The following TMEM131L variants were observed in gnomAD, a reference collection of about 807,000 sequenced individuals.
The protein encoded by TMEM131L is transmembrane protein 131-like.
In TMEM131L, 54 loss-of-function variants were observed where a neutral mutation model predicts 192.2. That is an observed-to-expected ratio of 0.28 (90% confidence interval 0.23 to 0.35). The LOEUF (loss-of-function observed/expected upper bound fraction) is 0.35. Among genes scored for constraint, TMEM131L ranks in the 10% least tolerant of loss-of-function variants. The pLI, the probability that TMEM131L is intolerant of heterozygous loss-of-function variation, is 1.00. For missense variants in TMEM131L, 1,888 were observed against 1,972.9 expected (o/e 0.96, Z 0.82); for synonymous variants, 701 against 704.9 (o/e 0.99, Z 0.09).
intron 3 of TMEM131L, among the ~76,000 whole-genome samples, chr4:153,514,295 C>T (rs1734559890): frequency 6.6e-6 from 1 of 152,216 alleles, no homozygotes; most frequent in Admixed American, 6.5e-5. Flanking sequence ...TGCTCTGTAG[C>T]AGGACCAGAG....
intron 5 of TMEM131L, among the ~76,000 whole-genome samples, 161 bp from the exon 6 acceptor site, chr4:153,556,805 G>T (rs1728491981): frequency 6.6e-6 from 1 of 151,934 alleles, no homozygotes; most frequent in African/African-American, 2.4e-5. Flanking sequence ...CAGATAATTG[G>T]ATGCTGATCA....
At chr4:153,553,364 A>C (rs961252330) in intron 4 of TMEM131L, among the ~76,000 whole-genome samples, 4 of 152,150 alleles carry the variant, frequency 2.6e-5, no homozygotes, top group Non-Finnish European at 5.9e-5. Flanking sequence ...GTGGTAGAAT[A>C]AATCTTCTGA....
At chr4:153,618,437 C>T (rs1733147756) in intron 26 of TMEM131L, among the ~76,000 whole-genome samples, 1 of 142,940 alleles carries the variant, frequency 7.0e-6, no homozygotes, top group Non-Finnish European at 1.5e-5. Context: ...GATTGCCTCA[C>T]TGCACTCTAG....
intron 14 of TMEM131L, 125 bp from the exon 15 acceptor site, chr4:153,587,617 T>G: frequency 1.4e-6 from 1 of 732,516 alleles, no homozygotes; most frequent in Non-Finnish European, 2.5e-6. Flanking sequence ...AAAGTAATTT[T>G]TGGCTCGTGG....
At position 153,564,287 on chromosome 4, in the gene TMEM131L, C is replaced by CAAAAAAAAAAAAAA. The variant is rs1178320668; in HGVS notation, c.660+5933_660+5946dup. Reference sequence around the variant, plus strand: ...CTGGGAGACGAGCAAAACTCCGTCTCAAAAAAAAAAAAAAAAAAAAAAAAA... The same window carrying CAAAAAAAAAAAAAA: ...CTGGGAGACGAGCAAAACTCCGTCTCAAAAAAAAAAAAAAAAAAAAAAAAAAAAAAAAAAAAAAA... On this transcript the variant is annotated intron_variant, in intron 7 of 34. Transcript: ENST00000409959. Among the ~76,000 whole-genome samples the CAAAAAAAAAAAAAA allele has an allele frequency of 3.4e-4, 6 of 17,652 alleles. 1 individual carries two copies. The highest frequency in any genetic ancestry group is 8.3e-4 in the African/African-American group (6 of 7,262). 11.6% of individuals were successfully genotyped at this position (17,652 alleles called of 152,430 possible).
chr4:153,574,713 G>A (rs959482223), intron 7 of TMEM131L, among the ~76,000 whole-genome samples: 1 of 152,212 alleles, frequency 6.6e-6, no homozygotes, highest in East Asian at 1.9e-4. Context: ...TCAGCCTCCC[G>A]AGAAGCTGAG....
At chr4:153,513,815 C>T (rs911580623) in intron 3 of TMEM131L, among the ~76,000 whole-genome samples, 1 of 152,118 alleles carries the variant, frequency 6.6e-6, no homozygotes, top group Non-Finnish European at 1.5e-5. Flanking sequence ...CTCTTTATGA[C>T]CCTCTCTATG....
intron 3 of TMEM131L, among the ~76,000 whole-genome samples, chr4:153,547,417 C>G (rs1737264804): frequency 6.6e-6 from 1 of 152,206 alleles, no homozygotes; most frequent in Non-Finnish European, 1.5e-5. Context: ...TCGATATTGA[C>G]TTTAAGCTCA....
intron 3 of TMEM131L, among the ~76,000 whole-genome samples, chr4:153,517,908 G>A (rs760090310): frequency 2.4e-4 from 37 of 152,260 alleles, no homozygotes; most frequent in Middle Eastern, 6.8e-3. Context: ...TTTAGACTGA[G>A]TAAGAATCTT....
chr4:153,616,112 A>G (rs1208447055), intron 26 of TMEM131L, among the ~76,000 whole-genome samples: 2 of 152,004 alleles, frequency 1.3e-5, no homozygotes. Context: ...CCTGTGTAGG[A>G]CAGACGTCTG....
chr4:153,607,793 C>T (rs746915968), intron 25 of TMEM131L, among the ~76,000 whole-genome samples: 6 of 152,194 alleles, frequency 3.9e-5, no homozygotes, highest in African/African-American at 1.2e-4. Flanking sequence ...GCTTTGACTA[C>T]ATACTTGCCA....
chr4:153,491,854 T>C (rs1286229758), intron 3 of TMEM131L, among the ~76,000 whole-genome samples: 1 of 152,096 alleles, frequency 6.6e-6, no homozygotes, highest in Non-Finnish European at 1.5e-5. Flanking sequence ...CTACAGGCAC[T>C]TGCCACCGTG....
At position 153,602,233 on chromosome 4, in the gene TMEM131L, C is replaced by G; in HGVS notation, c.2348C>G (p.Ser783Trp). 6.2e-7 allele frequency: 1 copy of G among 1,612,894 alleles called. No homozygotes were observed. ...ATTGGACCTCTTCCTATAACTGTTT[C>G]GTCTCTGAAAATTAATGGGTATAAC... The part of the protein sequence containing the change: ...ENIGPLPITV[S>W]SLKINGYNCQ... Residue 783 changes from serine to tryptophan, a missense_variant, in exon 22 of 35, where the codon TCG becomes TGG. By Grantham distance (177) the Ser-to-Trp change is radical (BLOSUM62 -3). Coordinates refer to ENST00000409959, the MANE Select transcript of TMEM131L (RefSeq NM_001131007.2).
rs1731333812 is a variant in TMEM131L, at chr4:153,473,854, G to A, written c.205G>A (p.Glu69Lys). 6.5e-7 allele frequency: 1 copy of A among 1,545,036 alleles called. No individual in the cohort carries two copies. Among genetic ancestry groups the A allele is most frequent in the Non-Finnish European group, 8.7e-7 (1 of 1,144,536 alleles). ...ELLLPTQGDSEEGLEEPSQEQ... is the reference protein window; with the variant it reads ...ELLLPTQGDSKEGLEEPSQEQ... Reference sequence around the variant, plus strand: ...TGTTCTTTTTCAATAGGGTGATTCTGAAGAGGGTCTGGAGGAGCCTTCTCA... The same window carrying A: ...TGTTCTTTTTCAATAGGGTGATTCTAAAGAGGGTCTGGAGGAGCCTTCTCA... Residue 69 changes from glutamate to lysine, a missense_variant, in exon 3 of 35, where the codon GAA becomes AAA. By Grantham distance (56) the Glu-to-Lys change is moderately conservative. Transcript: ENST00000409959.
intron 17 of TMEM131L, 146 bp from the exon 18 acceptor site, chr4:153,592,329 C>G: frequency 1.7e-6 from 1 of 587,880 alleles, no homozygotes; most frequent in Non-Finnish European, 3.0e-6. Flanking sequence ...ATTTTTGAAG[C>G]GTGCTGGCCA....
Position 153,635,471 on chromosome 4 carries a change from A to T in TMEM131L, c.4457A>T (p.Asp1486Val), listed in dbSNP as rs201242854. The T allele has an allele frequency of 3.2e-5, 52 of 1,613,858 alleles. No individual in the cohort carries two copies. In the South Asian group the frequency reaches 3.4e-4, roughly 11 times the overall value. Residue 1486 changes from aspartate to valine, a missense_variant, in exon 34 of 35, where the codon GAT (aspartate) becomes GTT (valine). By Grantham distance (152) the Asp-to-Val change is radical. Transcript: ENST00000409959. ...NYANGFPCPA[D>V]VQTDFIDHNS... ...GCCAATGGCTTCCCCTGTCCTGCAGATGTTCAGACAGACTTTATTGATCAC... is the reference window on the plus strand; with the variant it reads ...GCCAATGGCTTCCCCTGTCCTGCAGTTGTTCAGACAGACTTTATTGATCAC...
chr4:153,496,032 C>G (rs1733147249), intron 3 of TMEM131L, among the ~76,000 whole-genome samples: 1 of 152,096 alleles, frequency 6.6e-6, no homozygotes, highest in Non-Finnish European at 1.5e-5. Flanking sequence ...TCCTAGAGTG[C>G]CAACAAGGCC....
At chr4:153,496,310 A>C (rs1733165387) in intron 3 of TMEM131L, among the ~76,000 whole-genome samples, 1 of 152,230 alleles carries the variant, frequency 6.6e-6, no homozygotes, top group African/African-American at 2.4e-5. Flanking sequence ...GAAGCCTGGT[A>C]CAAAAATTAA....
chr4:153,626,008 T>TA, intron 29 of TMEM131L, 139 bp from the exon 30 acceptor site: 1 of 589,036 alleles, frequency 1.7e-6, no homozygotes, highest in Non-Finnish European at 3.0e-6. Flanking sequence ...AATGTTTAAT[T>TA]AAAAAATGTG....
Sources: gnomAD v4.1 joint callset for allele counts (sites outside exome capture counted in the v4.1 genomes callset) on GRCh38, gnomAD v4.1.1 for gene constraint, MANE v1.5 for transcripts, NCBI Gene and HGNC (gene_info 2026-07-23, HGNC 2026-07-21) for gene names.